PCDHGA4: variants seen among roughly 807,000 people sequenced by gnomAD.
The protein encoded by PCDHGA4 is protocadherin gamma subfamily A, 4, also known as protocadherin gamma-A4.
A neutral mutation model predicts 54.6 loss-of-function variants in PCDHGA4; 38 were observed. The ratio of observed to expected loss-of-function variants is 0.70; its 90% CI spans 0.54 to 0.91. The LOEUF (loss-of-function observed/expected upper bound fraction) is 0.91, where lower values mean the gene tolerates loss of function less well. PCDHGA4 is among the 40% of genes least tolerant of loss of function. PCDHGA4 has a pLI of 0.00. For synonymous variants in PCDHGA4, 511 were observed against 512.9 expected (o/e 1.00, Z 0.05); for missense variants, 1,298 against 1,220.9 (o/e 1.06, Z -0.94).
intron 1 of PCDHGA4, chr5:141,398,109 G>T: frequency 6.3e-7 from 1 of 1,594,204 alleles, no homozygotes; most frequent in Non-Finnish European, 8.5e-7. Context: ...TGGTGAGCAA[G>T]CTGAGGAGAG....
intron 3 of PCDHGA4, among the ~76,000 whole-genome samples, chr5:141,506,032 G>A (rs994735467): frequency 5.9e-5 from 9 of 152,166 alleles, no homozygotes; most frequent in Non-Finnish European, 1.0e-4. Context: ...TCCAGAGTAG[G>A]ATTCTGGTTT....
rs762138055 is a variant in PCDHGA4, at chr5:141,490,757, T to C, written c.2515-4050T>C. 6.2e-7 allele frequency: 1 copy of C among 1,613,918 alleles called. No homozygotes were observed. The highest frequency in any genetic ancestry group is 2.2e-5 in the East Asian group (1 of 44,892). On this transcript the variant is annotated intron_variant, in intron 1 of 3. Coordinates refer to ENST00000571252, the MANE Select transcript of PCDHGA4 (RefSeq NM_018917.4). The surrounding 1 kb of genome is among the most constrained non-coding windows in gnomAD (Gnocchi z 5.4). ...GTTCAGGGAGCCCCAGCCTCCTCCT[T>C]TGTGTATGTCAACCCAGAGGATGGA...
chr5:141,382,731 A>G (rs1250192091), intron 1 of PCDHGA4: 6 of 554,412 alleles, frequency 1.1e-5, no homozygotes, highest in Non-Finnish European at 1.8e-5. Flanking sequence ...TTTACAGCAC[A>G]GAGAAACGAC....
At chr5:141,376,059 C>T (rs761483041) in intron 1 of PCDHGA4, 2 of 1,613,398 alleles carry the variant, frequency 1.2e-6, no homozygotes, top group South Asian at 1.1e-5. Flanking sequence ...GCCACTGTCA[C>T]GCTCACCGTG....
chr5:141,393,480 T>A (rs1026854698), intron 1 of PCDHGA4: 1 of 1,614,062 alleles, frequency 6.2e-7, no homozygotes, highest in Non-Finnish European at 8.5e-7. Context: ...GCCGCCTCGC[T>A]CTAGCACAGT....
At chr5:141,394,150 A>G in intron 1 of PCDHGA4, 3 of 1,613,916 alleles carry the variant, frequency 1.9e-6, no homozygotes, top group East Asian at 2.2e-5. Context: ...GCAGACATTA[A>G]CGACAACCCT....
rs758139838 is a variant in PCDHGA4, at chr5:141,431,419, G to C, written c.2515-63388G>C. The C allele has an allele frequency of 1.5e-5, 25 of 1,613,700 alleles. No individual in the cohort carries two copies. The highest frequency in any genetic ancestry group is 2.0e-5 in the Non-Finnish European group (24 of 1,180,046). On this transcript the variant is annotated intron_variant, in intron 1 of 3. Coordinates refer to ENST00000571252, the MANE Select transcript of PCDHGA4 (RefSeq NM_018917.4). This position sits in a 1 kb window ranked among gnomAD's most constrained non-coding sequence, Gnocchi z 4.8. ...TTACGGCCTCCGACGGGGGCGACCC[G>C]GTGCGCACAGGCACCGCGCGCATCC... is the stretch of plus-strand genomic sequence containing the variant.
At position 141,355,609 on chromosome 5, in the gene PCDHGA4, C is replaced by T. The variant is rs372082461; in HGVS notation, c.502C>T (p.Gln168Ter). The part of the protein sequence containing the change: ...NDNPPSFGTE[Q>*]REIKVAENEN... ...TAACCCACCCAGTTTTGGGACAGAACAGAGGGAAATAAAAGTTGCTGAAAA... is the reference window on the plus strand; with the variant it reads ...TAACCCACCCAGTTTTGGGACAGAATAGAGGGAAATAAAAGTTGCTGAAAA... The change falls in exon 1 of 4, where the codon CAG becomes TAG. Residue 168 changes from glutamine (Q) to a stop codon, truncating the protein, a stop_gained. Transcript: ENST00000571252. LOFTEE classifies it high-confidence loss of function. 1 of 1,613,990 alleles carries T rather than the reference C, an allele frequency of 6.2e-7. No individual in the cohort carries two copies. The highest frequency in any genetic ancestry group is 8.5e-7 in the Non-Finnish European group (1 of 1,179,898).
intron 3 of PCDHGA4, among the ~76,000 whole-genome samples, chr5:141,506,682 C>A (rs1333272766): frequency 6.6e-6 from 1 of 152,192 alleles, no homozygotes; most frequent in East Asian, 1.9e-4. Context: ...ATATTATTAT[C>A]TTTGCTGACC....
intron 1 of PCDHGA4, chr5:141,399,577 T>C: frequency 1.2e-6 from 2 of 1,613,972 alleles, no homozygotes; most frequent in Non-Finnish European, 1.7e-6. Context: ...CGGCCAAGTC[T>C]CCTACTCTAT....
rs777925358 is a variant in PCDHGA4 at position 141,477,657 on chromosome 5, G to T, written c.2515-17150G>T. ...GTGGGTCGCTATTTCACAATAAATC[G>T]TGACAATGGCATAGTGTCATCCTTA... On this transcript the variant is annotated intron_variant, in intron 1 of 3. Transcript: ENST00000571252. This position sits in a 1 kb window ranked among gnomAD's most constrained non-coding sequence, Gnocchi z 4.9. 6.8e-6 allele frequency: 11 copies of T among 1,614,072 alleles called. No individual in the cohort carries two copies. Among genetic ancestry groups the T allele is most frequent in the South Asian group, 2.2e-5 (2 of 91,090 alleles).
chr5:141,413,445 C>A (rs764464917), intron 1 of PCDHGA4: 1 of 1,613,986 alleles, frequency 6.2e-7, no homozygotes, highest in Admixed American at 1.7e-5. Flanking sequence ...GCTTGATCAC[C>A]GCGGGCAGGA....
At chr5:141,387,643 C>G in intron 1 of PCDHGA4, 1 of 625,670 alleles carries the variant, frequency 1.6e-6, no homozygotes, top group Non-Finnish European at 2.7e-6. Flanking sequence ...CGCTGTTGGC[C>G]AAAGTGGAGA....
Position 141,489,072 on chromosome 5 carries a change from AC to A in PCDHGA4, c.2515-5730del. The A allele has an allele frequency of 6.3e-6, 1 of 157,708 alleles. No individual in the cohort carries two copies. The highest frequency in any genetic ancestry group is 1.2e-5 in the Non-Finnish European group (1 of 83,994). The allele number at this position is 157,708 out of a possible 1,614,324, so 9.8% of individuals were successfully genotyped here. On this transcript the variant is annotated intron_variant, in intron 1 of 3. Coordinates refer to ENST00000571252, the MANE Select transcript of PCDHGA4 (RefSeq NM_018917.4). This position sits in a 1 kb window ranked among gnomAD's most constrained non-coding sequence, Gnocchi z 4.5. ...AATTCAGCTCCCCTCCCCCCTGCCC[AC>A]CCCCGCCACTCGGTGACTAAGAACT...
chr5:141,355,846 G>T lies in PCDHGA4; in HGVS notation c.739G>T (p.Asp247Tyr). 6.2e-6 allele frequency: 10 copies of T among 1,612,248 alleles called. No homozygotes were observed. The highest frequency in any genetic ancestry group is 8.5e-6 in the Non-Finnish European group (10 of 1,179,018). Residue 247 changes from aspartate to tyrosine, a missense_variant, in exon 1 of 4, where the codon GAT (aspartate) becomes TAT (tyrosine). Asp to Tyr is a radical substitution (Grantham distance 160, BLOSUM62 -3). Coordinates refer to ENST00000571252, the MANE Select transcript of PCDHGA4 (RefSeq NM_018917.4). ...AVHHLVLTAF[D>Y]GGDPVRSGTA... is the part of the protein sequence containing the mutation. ...TCACCACCTCGTTCTCACGGCCTTC[G>T]ATGGAGGTGACCCGGTTCGCTCTGG...
chr5:141,379,834 G>GA (rs199662644), intron 1 of PCDHGA4, among the ~76,000 whole-genome samples: 3,037 of 141,342 alleles, frequency 0.021, 48 homozygotes, highest in South Asian at 0.041. Flanking sequence ...GAAGCATCAG[G>GA]AAAAAAAACT....
At chr5:141,474,143 T>C (rs933805562) in intron 1 of PCDHGA4, among the ~76,000 whole-genome samples, 5 of 152,188 alleles carry the variant, frequency 3.3e-5, no homozygotes, top group Non-Finnish European at 5.9e-5. Flanking sequence ...CAGGCCTTAT[T>C]ATCAAGAAAA....
Position 141,357,090 on chromosome 5 carries a change from G to A in PCDHGA4, c.1983G>A (p.Arg661=), listed in dbSNP as rs765908786. The A allele has an allele frequency of 1.2e-6, 2 of 1,613,880 alleles. No individual in the cohort carries two copies. Among genetic ancestry groups the A allele is most frequent in the East Asian group, 2.2e-5 (1 of 44,878 alleles). Residue 661 remains arginine (R), a synonymous_variant, in exon 1 of 4, where the codon CGG becomes CGA. Coordinates refer to ENST00000571252, the MANE Select transcript of PCDHGA4 (RefSeq NM_018917.4). ...GLHTGEVRTA[R]ALLDRDALKQ... The stretch of plus-strand genomic sequence containing the variant: ...ACACAGGCGAGGTGCGCACCGCACG[G>A]GCCCTGCTGGACAGAGACGCGCTCA...
intron 1 of PCDHGA4, chr5:141,414,917 T>A: frequency 6.2e-7 from 1 of 1,614,148 alleles, no homozygotes; most frequent in Non-Finnish European, 8.5e-7. Context: ...GGCGTGGAGC[T>A]GGCGCCCCGC....
Sources: gnomAD v4.1 joint callset for allele counts (sites outside exome capture counted in the v4.1 genomes callset) on GRCh38, gnomAD v4.1.1 for gene constraint, Gnocchi (gnomAD v3.1) non-coding constraint, MANE v1.5 for transcripts, NCBI Gene and HGNC (gene_info 2026-07-23, HGNC 2026-07-21) for gene names.